Variants in SUN3 observed in about 807,000 individuals in gnomAD.
The protein encoded by SUN3 is Sad1 and UNC84 domain containing 3.
In SUN3, 36 loss-of-function variants were observed where a neutral mutation model predicts 48.2. That is an observed-to-expected ratio of 0.75 (90% CI 0.57 to 0.99). SUN3 has a LOEUF of 0.99. Among genes scored for constraint, SUN3 ranks in the 50% least tolerant of loss-of-function variants. The probability of loss-of-function intolerance (pLI) is 0.00; values close to 1 mark genes in which losing one functional copy is unlikely to be tolerated. For missense variants in SUN3, 419 were observed against 433.1 expected, an observed-to-expected ratio of 0.97 and a Z score of 0.29; for synonymous variants, 148 against 147.9, an observed-to-expected ratio of 1.00 and a Z score of 0.00.
chr7:47,991,136 C>T (rs1002534676), intron 8 of SUN3: 1 of 429,608 alleles, frequency 2.3e-6, no homozygotes, highest in Non-Finnish European at 4.6e-6. Flanking sequence ...AGGCTGGCCT[C>T]GAATTCCTGG....
At chr7:48,026,291 C>CA (rs552739037) in intron 1 of SUN3, among the ~76,000 whole-genome samples, 14 of 149,458 alleles carry the variant, frequency 9.4e-5, no homozygotes, top group Non-Finnish European at 1.9e-4. Flanking sequence ...GAACTAGCTA[C>CA]AAAAAAAGAA....
At chr7:48,009,912 C>G (rs1452079287) in intron 3 of SUN3, among the ~76,000 whole-genome samples, 1 of 152,102 alleles carries the variant, frequency 6.6e-6, no homozygotes. Context: ...CTGAGAAGAA[C>G]TTGGGTCTGG....
intron 7 of SUN3, among the ~76,000 whole-genome samples, chr7:47,994,702 A>C (rs763093543): frequency 6.6e-6 from 1 of 152,200 alleles, no homozygotes; most frequent in African/African-American, 2.4e-5. Flanking sequence ...TGCTCTAACT[A>C]GACTGTAAGC....
upstream of SUN3, among the ~76,000 whole-genome samples, chr7:48,033,821 C>T (rs570029624): frequency 3.9e-5 from 6 of 152,044 alleles, no homozygotes; most frequent in East Asian, 3.9e-4. Flanking sequence ...TTTGTGAGGC[C>T]GAGGCAGGTG....
intron 2 of SUN3, among the ~76,000 whole-genome samples, chr7:48,018,241 CTCTGTCTCTGTT>C: frequency 6.6e-6 from 1 of 152,248 alleles, no homozygotes; most frequent in Non-Finnish European, 1.5e-5. Flanking sequence ...TAATCTCTGT[CTCTGTCTCTGTT>C]TCTGTCTCTC....
chr7:48,005,819 C>T (rs11767002), intron 6 of SUN3, 150 bp downstream of exon 6: 179,908 of 488,536 alleles, frequency 0.37, 34,803 homozygotes, highest in African/African-American at 0.56. Flanking sequence ...ACTATTTCTA[C>T]TCTCTTCTTT....
At chr7:48,010,088 G>GAC (rs919574646) in intron 3 of SUN3, among the ~76,000 whole-genome samples, 12 of 151,764 alleles carry the variant, frequency 7.9e-5, no homozygotes, top group South Asian at 6.2e-4. Context: ...CCCAGCATGA[G>GAC]ACACACACAC....
rs769257831 is a variant in SUN3, at chr7:47,994,490, G to A, written c.694-8C>T. On this transcript the variant is annotated splice_polypyrimidine_tract_variant and splice_region_variant and intron_variant, in intron 7 of 9. Coordinates refer to ENST00000297325, the MANE Select transcript of SUN3 (RefSeq NM_001030019.2). ...TCCAGGGTAGACATCCGGCTGGAAA[G>A]AAAACACTGAATTAATCTCTTAACT... is the stretch of plus-strand genomic sequence containing the variant. 6.5e-5 allele frequency: 103 copies of A among 1,587,960 alleles called. No individual in the cohort carries two copies. The highest frequency in any genetic ancestry group is 8.6e-5 in the Non-Finnish European group (101 of 1,171,916).
chr7:47,994,871 A>T (rs2062889858), intron 7 of SUN3, among the ~76,000 whole-genome samples: 1 of 150,796 alleles, frequency 6.6e-6, no homozygotes, highest in African/African-American at 2.4e-5. Context: ...GGTAGTGGTG[A>T]TGGTGATTGC....
chr7:48,019,250 C>G (rs1362012724), intron 2 of SUN3, among the ~76,000 whole-genome samples: 1 of 151,582 alleles, frequency 6.6e-6, no homozygotes, highest in Non-Finnish European at 1.5e-5. Flanking sequence ...GAGAAAGGGG[C>G]AGAAAGAAAT....
chr7:47,995,717 A>G (rs933512546), intron 7 of SUN3, among the ~76,000 whole-genome samples: 2 of 152,250 alleles, frequency 1.3e-5, no homozygotes, highest in Admixed American at 6.5e-5. Context: ...GAAGTTTTCA[A>G]TGGAAAAGGA....
At chr7:48,032,588 T>C (rs1354257870), upstream of SUN3, among the ~76,000 whole-genome samples, 1 of 152,210 alleles carries the variant, frequency 6.6e-6, no homozygotes, top group Non-Finnish European at 1.5e-5. Flanking sequence ...TGCTATAACA[T>C]TGAAATACAT....
At chr7:48,023,155 C>A (rs1790046692) in intron 2 of SUN3, among the ~76,000 whole-genome samples, 1 of 151,886 alleles carries the variant, frequency 6.6e-6, no homozygotes, top group Admixed American at 6.6e-5. Flanking sequence ...TTATTTCTTT[C>A]ATAATTTAAA....
intron 6 of SUN3, among the ~76,000 whole-genome samples, chr7:48,000,337 C>T (rs1180602443): frequency 1.3e-5 from 2 of 152,164 alleles, no homozygotes; most frequent in Non-Finnish European, 2.9e-5. Context: ...AGGATTTCAC[C>T]ATGTTGGCCA....
Position 48,028,921 on chromosome 7 carries a change from C to T in SUN3, c.18G>A (p.Lys6=). The change falls in exon 1 of 10, where the codon AAG becomes AAA. Residue 6 remains lysine (K), a synonymous_variant. Coordinates refer to ENST00000297325, the MANE Select transcript of SUN3 (RefSeq NM_001030019.2). The part of the protein sequence containing the change: MSGKT[K]ARRAAMFFRR... ...TAAAAAACATGGCAGCCCTTCTTGCCTTTGTTTTTCCACTCATGATCCCCT... is the reference window on the plus strand; with the variant it reads ...TAAAAAACATGGCAGCCCTTCTTGCTTTTGTTTTTCCACTCATGATCCCCT... 1 of 1,613,894 alleles carries T rather than the reference C, an allele frequency of 6.2e-7. No individual in the cohort carries two copies. Among genetic ancestry groups the T allele is most frequent in the Non-Finnish European group, 8.5e-7 (1 of 1,179,842 alleles).
chr7:48,028,860 C>T lies in SUN3; in HGVS notation c.79G>A (p.Gly27Ser). 6.2e-7 allele frequency: 1 copy of T among 1,613,948 alleles called. No homozygotes were observed. Among genetic ancestry groups the T allele is most frequent in the African/African-American group, 1.3e-5 (1 of 75,022 alleles). ...CSEDASGSAS[G>S]NALLSEDENP... ...TCGTCCTCTGATAACAAAGCATTGC[C>T]ACTGGCGCTACCGCTGGCGTCTTCA... Residue 27 changes from glycine to serine, a missense_variant, in exon 1 of 10, where the codon GGC becomes AGC. Physicochemically the swap from Gly to Ser is moderately conservative, Grantham distance 56 (BLOSUM62 0). Transcript: ENST00000297325.
At chr7:48,023,526 G>T (rs769845251) in intron 2 of SUN3, among the ~76,000 whole-genome samples, 17 of 152,052 alleles carry the variant, frequency 1.1e-4, no homozygotes, top group Middle Eastern at 3.4e-3. Context: ...GAACAAAAAA[G>T]GTATAAGATA....
intron 1 of SUN3, 46 bp from the exon 2 acceptor site, chr7:48,025,984 A>G (rs1031166451): frequency 3.6e-6 from 5 of 1,371,088 alleles, no homozygotes; most frequent in East Asian, 2.4e-5. Flanking sequence ...TAACAACATC[A>G]TGCATTTAAC....
chr7:48,024,390 A>G (rs1214780094), intron 2 of SUN3, among the ~76,000 whole-genome samples: 1 of 152,232 alleles, frequency 6.6e-6, no homozygotes, highest in African/African-American at 2.4e-5. Flanking sequence ...GAACACATAC[A>G]AACGGTCAAT....
Sources: allele counts gnomAD v4.1 joint callset (sites outside exome capture counted in the v4.1 genomes callset), GRCh38; gene constraint gnomAD v4.1.1; transcripts MANE v1.5; gene names NCBI Gene and HGNC (gene_info 2026-07-23, HGNC 2026-07-21).